The following CIITA variants were observed in gnomAD, a reference collection of about 807,000 sequenced individuals.
The protein encoded by CIITA is MHC class II transactivator.
Under a neutral mutation model 115.1 loss-of-function variants are expected in CIITA, and 72 were observed. The ratio of observed to expected loss-of-function variants is 0.63; its 90% CI spans 0.52 to 0.76. The LOEUF (loss-of-function observed/expected upper bound fraction) is 0.76, where lower values mean the gene tolerates loss of function less well. Among genes scored for constraint, CIITA ranks in the 30% least tolerant of loss-of-function variants. CIITA has a pLI of 0.00. For missense variants in CIITA, 1,617 were observed against 1,463.8 expected (o/e 1.10, Z -1.71); for synonymous variants, 763 against 635.6 (o/e 1.20, Z -3.02).
chr16:10,875,722 A>G (rs527763834), upstream of CIITA, among the ~76,000 whole-genome samples: 8 of 151,510 alleles, frequency 5.3e-5, no homozygotes, highest in Non-Finnish European at 1.0e-4. Context: ...CCCAGGCTGG[A>G]GTGTATTTCA....
rs13336804 is a variant in CIITA, at chr16:10,907,837, T to A, written c.2345T>A (p.Val782Glu). 2 of 1,613,364 alleles carry A rather than the reference T, an allele frequency of 1.2e-6. No individual in the cohort carries two copies. Among genetic ancestry groups the A allele is most frequent in the Non-Finnish European group, 1.7e-6 (2 of 1,179,744 alleles). ...ALLGPSAAASVDRKQKVLARY... is the reference protein window; with the variant it reads ...ALLGPSAAASEDRKQKVLARY... ...CTCGGGCCATCGGCGGCTGCCTCGG[T>A]GGACAGGAAGCAGAAGGTGCTTGCG... Residue 782 changes from valine to glutamate, a missense_variant, in exon 11 of 20, where the codon GTG (valine) becomes GAG (glutamate). Transcript: ENST00000324288. The surrounding 1 kb of genome is among the most constrained non-coding windows in gnomAD (Gnocchi z 5.0).
In CIITA at chr16:10,895,320, G is replaced by C. The variant is rs373871771; in HGVS notation, c.91G>C (p.Glu31Gln). Residue 31 changes from glutamate (E) to glutamine (Q), a missense_variant, in exon 2 of 20, where the codon GAA becomes CAA. By Grantham distance (29) the Glu-to-Gln change is conservative (BLOSUM62 2). Coordinates refer to ENST00000324288, the MANE Select transcript of CIITA (RefSeq NM_000246.4). Reference protein sequence around the residue: ...QCATMELGPLEGGYLELLNSD... With the variant: ...QCATMELGPLQGGYLELLNSD... The stretch of plus-strand genomic sequence containing the variant: ...TGCCACCATGGAGTTGGGGCCCCTA[G>C]AAGGTGGCTACCTGGAGCTTCTTAA... 2.5e-6 allele frequency: 4 copies of C among 1,613,964 alleles called. No homozygotes were observed. In the African/African-American group the frequency reaches 5.3e-5, roughly 22 times the overall value.
chr16:10,898,814 G>A (rs1361284540), intron 4 of CIITA, 82 bp downstream of exon 4: 21 of 1,595,930 alleles, frequency 1.3e-5, no homozygotes, highest in East Asian at 2.2e-5. Context: ...AATACCTGAC[G>A]ACCATTCATT....
intron 14 of CIITA, 128 bp downstream of exon 14, chr16:10,915,778 C>T (rs931930032): frequency 1.2e-6 from 1 of 844,872 alleles, no homozygotes. Flanking sequence ...TAGCTGGGAC[C>T]ACAGGTGCAT....
chr16:10,907,137 C>A lies in CIITA; in HGVS notation c.1645C>A (p.Pro549Thr). The A allele has an allele frequency of 1.2e-6, 2 of 1,612,604 alleles. No homozygotes were observed. The highest frequency in any genetic ancestry group is 1.3e-5 in the African/African-American group (1 of 75,008). Residue 549 changes from proline (P) to threonine (T), a missense_variant, in exon 11 of 20, where the codon CCC (proline) becomes ACC (threonine). Physicochemically the swap from Pro to Thr is conservative, Grantham distance 38. Transcript: ENST00000324288. The surrounding 1 kb of genome is among the most constrained non-coding windows in gnomAD (Gnocchi z 5.0). ...RGCTLLLTAR[P>T]RGRLVQSLSK... is the part of the protein sequence containing the mutation. ...TTGCACCCTCCTCCTCACAGCCCGG[C>A]CCCGGGGCCGCCTGGTCCAGAGCCT...
At chr16:10,904,462 C>T (rs2038998820) in intron 9 of CIITA, among the ~76,000 whole-genome samples, 1 of 152,198 alleles carries the variant, frequency 6.6e-6, no homozygotes, top group Non-Finnish European at 1.5e-5. Flanking sequence ...CTCAAGTGAT[C>T]CACCTGCCTC....
rs3087876 is a variant in CIITA at position 10,942,767 on chromosome 16, A to G, written n.1893A>G. The G allele has an allele frequency of 0.52, 79,477 of 152,234 alleles. 21,821 individuals are homozygous for G. Among genetic ancestry groups the G allele is most frequent in the East Asian group, 0.7 (3,627 of 5,178 alleles). The allele number at this position is 152,234 out of a possible 1,614,324, so 9.4% of individuals were successfully genotyped here. Reference sequence around the variant, plus strand: ...CGAAGGAAACCCGGGCTACCGCTGCACCTTGCTGCATGCCTCTTTGGGACT... The same window carrying G: ...CGAAGGAAACCCGGGCTACCGCTGCGCCTTGCTGCATGCCTCTTTGGGACT... On this transcript the variant is annotated non_coding_transcript_exon_variant, in exon 2 of 2. Coordinates refer to the CIITA transcript ENST00000573379. The surrounding 1 kb of genome is among the most constrained non-coding windows in gnomAD (Gnocchi z 5.0).
chr16:10,941,944 G>C lies in CIITA; in HGVS notation n.1070G>C. On this transcript the variant is annotated non_coding_transcript_exon_variant, in exon 2 of 2. Transcript: ENST00000573379. This position sits in a 1 kb window ranked among gnomAD's most constrained non-coding sequence, Gnocchi z 6.4. ...GAACATAGAGGGCAGCAGCGGCGGC[G>C]GCACGTAGGGGACCAGGGGGCCCAG... 1.3e-6 allele frequency: 2 copies of C among 1,577,282 alleles called. No individual in the cohort carries two copies. Among genetic ancestry groups the C allele is most frequent in the Non-Finnish European group, 1.7e-6 (2 of 1,162,608 alleles).
chr16:10,874,604 T>C (rs1480254151), upstream of CIITA, among the ~76,000 whole-genome samples: 1 of 152,250 alleles, frequency 6.6e-6, no homozygotes, highest in Non-Finnish European at 1.5e-5. Flanking sequence ...TCACTTGCTC[T>C]GCTCAGAGAC....
intron 1 of CIITA, among the ~76,000 whole-genome samples, chr16:10,888,915 C>T (rs2143995617): frequency 6.6e-6 from 1 of 152,348 alleles, no homozygotes; most frequent in Non-Finnish European, 1.5e-5. Context: ...CCACTAATCC[C>T]TCTGAGCCTG....
Position 10,935,855 on chromosome 16 carries a change from C to T in CIITA, c.*12000C>T, listed in dbSNP as rs2041002238. On this transcript the variant is annotated 3_prime_UTR_variant, in exon 20 of 20. Transcript: ENST00000324288. Reference sequence around the variant, plus strand: ...TGTACTCTGCTTAATATGTCAATGTCACAAGAGAGAAAGACAGACTGAAGA... The same window carrying T: ...TGTACTCTGCTTAATATGTCAATGTTACAAGAGAGAAAGACAGACTGAAGA... 6.6e-6 allele frequency: 1 copy of T among 152,184 alleles called. No individual in the cohort carries two copies. Among genetic ancestry groups the T allele is most frequent in the South Asian group, 2.1e-4 (1 of 4,824 alleles). The allele number at this position is 152,184 out of a possible 1,614,324, so 9.4% of individuals were successfully genotyped here.
chr16:10,880,460 A>T (rs1489622871), intron 1 of CIITA, among the ~76,000 whole-genome samples: 1 of 152,202 alleles, frequency 6.6e-6, no homozygotes, highest in Admixed American at 6.5e-5. Context: ...CTATCAGAAA[A>T]GGAGTACCAG....
intron 1 of CIITA, among the ~76,000 whole-genome samples, chr16:10,887,001 G>C (rs147171436): frequency 1.3e-5 from 2 of 152,196 alleles, no homozygotes; most frequent in African/African-American, 2.4e-5. Flanking sequence ...ACTTTCTTAC[G>C]GGGTGCTCAG....
chr16:10,920,247 T>C lies in CIITA; in HGVS notation c.3149+1721T>C, dbSNP rs1269072820. 2.6e-5 allele frequency among the ~76,000 whole-genome samples: 4 copies of C among 152,204 alleles called. No homozygotes were observed. Among genetic ancestry groups the C allele is most frequent in the Non-Finnish European group, 1.5e-5 (1 of 68,036 alleles). Reference sequence around the variant, plus strand: ...CTTGATCTGATTTACACTTTTCTTTTTTCTTTTCTTTTCTTTTTGAGACCA... The same window carrying C: ...CTTGATCTGATTTACACTTTTCTTTCTTCTTTTCTTTTCTTTTTGAGACCA... On this transcript the variant is annotated intron_variant, in intron 16 of 19. Transcript: ENST00000324288. This position sits in a 1 kb window ranked among gnomAD's most constrained non-coding sequence, Gnocchi z 4.5.
intron 1 of CIITA, among the ~76,000 whole-genome samples, chr16:10,884,751 C>T (rs950190618): frequency 6.6e-6 from 1 of 152,120 alleles, no homozygotes; most frequent in African/African-American, 2.4e-5. Flanking sequence ...GAGCTGGCAG[C>T]AGAGCTGGGA....
chr16:10,886,124 G>C (rs1054648325), intron 1 of CIITA, among the ~76,000 whole-genome samples: 12 of 148,582 alleles, frequency 8.1e-5, no homozygotes, highest in Admixed American at 6.8e-5. Context: ...TTTTAGTAGA[G>C]ATGGGGTTTT....
At chr16:10,872,725 C>G (rs2035572432), upstream of CIITA, among the ~76,000 whole-genome samples, 1 of 152,234 alleles carries the variant, frequency 6.6e-6, no homozygotes, top group South Asian at 2.1e-4. Flanking sequence ...ATTCACCGAT[C>G]TCTTTCTCTC....
At chr16:10,894,907 G>C (rs2037966248) in intron 1 of CIITA, among the ~76,000 whole-genome samples, 1 of 152,214 alleles carries the variant, frequency 6.6e-6, no homozygotes, top group African/African-American at 2.4e-5. Flanking sequence ...CATGGTTACT[G>C]ATATGAGTAT....
Position 10,923,068 on chromosome 16 carries a change from C to A in CIITA, c.3318-160C>A. On this transcript the variant is annotated intron_variant, in intron 18 of 19. Transcript: ENST00000324288. The surrounding 1 kb of genome is among the most constrained non-coding windows in gnomAD (Gnocchi z 5.2). ...AAGGAATCTCGGGCCTCCTAGGCTTCTCCTTTTCCCCATGACCCACACCGG... is the reference window on the plus strand; with the variant it reads ...AAGGAATCTCGGGCCTCCTAGGCTTATCCTTTTCCCCATGACCCACACCGG... The A allele has an allele frequency of 1.4e-6, 1 of 694,704 alleles. No individual in the cohort carries two copies. Among genetic ancestry groups the A allele is most frequent in the Admixed American group, 2.0e-5 (1 of 49,292 alleles). 43.0% of individuals were successfully genotyped at this position (694,704 alleles called of 1,614,324 possible).
Sources: gnomAD v4.1 joint callset for allele counts (sites outside exome capture counted in the v4.1 genomes callset) on GRCh38, gnomAD v4.1.1 for gene constraint, Gnocchi (gnomAD v3.1) non-coding constraint, MANE v1.5 for transcripts, NCBI Gene and HGNC (gene_info 2026-07-23, HGNC 2026-07-21) for gene names.